DYNC2H1: variants seen among roughly 807,000 people sequenced by gnomAD.
The protein encoded by DYNC2H1 is cytoplasmic dynein 2 heavy chain 1.
Under a neutral mutation model 570.0 loss-of-function variants are expected in DYNC2H1, and 410 were observed. That is an observed-to-expected ratio of 0.72 (90% CI 0.66 to 0.78). The LOEUF (loss-of-function observed/expected upper bound fraction) is 0.78, where lower values mean the gene tolerates loss of function less well. Among genes scored for constraint, DYNC2H1 ranks in the 30% least tolerant of loss-of-function variants. The pLI, the probability that DYNC2H1 is intolerant of heterozygous loss-of-function variation, is 0.00. For missense variants in DYNC2H1, 4,865 were observed against 5,046.4 expected, an observed-to-expected ratio of 0.96 and a Z score of 1.09; for synonymous variants, 1,688 against 1,677.6, an observed-to-expected ratio of 1.01 and a Z score of -0.15.
At chr11:103,154,997 T>G (rs1860748135) in intron 24 of DYNC2H1, among the ~76,000 whole-genome samples, 188 bp downstream of exon 24, 1 of 152,052 alleles carries the variant, frequency 6.6e-6, no homozygotes, top group Admixed American at 6.6e-5. Flanking sequence ...AGAAAGAAGT[T>G]ATAAGAAATT....
chr11:103,422,164 G>C lies in DYNC2H1; in HGVS notation c.12367-13779G>C, dbSNP rs143422254. Among the ~76,000 whole-genome samples, 758 of 152,174 alleles carry C rather than the reference G, an allele frequency of 5.0e-3. 3 individuals carry two copies. The highest frequency in any genetic ancestry group is 0.017 in the African/African-American group (725 of 41,524). ...CAGGAAGAAATTGAATCCCTGAATA[G>C]ACCAATAATGAATTCTGAAATTGAG... On this transcript the variant is annotated intron_variant, in intron 84 of 88. Transcript: ENST00000375735.
At chr11:103,416,605 C>T (rs1943292526) in intron 84 of DYNC2H1, among the ~76,000 whole-genome samples, 1 of 152,152 alleles carries the variant, frequency 6.6e-6, no homozygotes. Flanking sequence ...ACTGGCTAGC[C>T]ATATACAGAA....
intron 83 of DYNC2H1, among the ~76,000 whole-genome samples, chr11:103,360,215 A>G (rs1940573314): frequency 6.6e-6 from 1 of 152,150 alleles, no homozygotes; most frequent in Non-Finnish European, 1.5e-5. Flanking sequence ...CTAAAATAAA[A>G]TTATGATTTT....
At chr11:103,478,852 G>T (rs1945651362) in intron 88 of DYNC2H1, among the ~76,000 whole-genome samples, 2 of 151,880 alleles carry the variant, frequency 1.3e-5, no homozygotes. Flanking sequence ...ATATTTATAG[G>T]TGAAATTTTG....
At chr11:103,304,861 T>A in intron 77 of DYNC2H1, 141 bp downstream of exon 77, 1 of 982,366 alleles carries the variant, frequency 1.0e-6, no homozygotes, top group Non-Finnish European at 1.3e-6. Context: ...AAATATTTCA[T>A]AAATATGTAC....
rs1945429021 is a variant in DYNC2H1 at position 103,472,794 on chromosome 11, T to TAC, written c.12765+4090_12765+4091insCA. Among the ~76,000 whole-genome samples the TAC allele has an allele frequency of 6.6e-6, 1 of 152,256 alleles. No homozygotes were observed. Among genetic ancestry groups the TAC allele is most frequent in the East Asian group, 1.9e-4 (1 of 5,188 alleles). On this transcript the variant is annotated intron_variant, in intron 88 of 88. Transcript: ENST00000375735. This position sits in a 1 kb window ranked among gnomAD's most constrained non-coding sequence, Gnocchi z 4.1. ...ATTATGTATTATTATATGATAATAA[T>TAC]AAAATTCAGAACTTTGGTAACTAAA...
chr11:103,376,178 A>G (rs963267745), intron 83 of DYNC2H1, among the ~76,000 whole-genome samples: 1 of 152,280 alleles, frequency 6.6e-6, no homozygotes, highest in Admixed American at 6.5e-5. Flanking sequence ...CCATGATTGT[A>G]AATTTCCTGA....
intron 17 of DYNC2H1, among the ~76,000 whole-genome samples, chr11:103,138,832 C>T (rs1256109720): frequency 6.6e-6 from 1 of 152,062 alleles, no homozygotes; most frequent in Non-Finnish European, 1.5e-5. Flanking sequence ...GGCTGTGACT[C>T]CATCTGGTCC....
Position 103,304,698 on chromosome 11 carries a change from C to T in DYNC2H1, c.11360C>T (p.Ser3787Phe). Residue 3787 changes from serine to phenylalanine, a missense_variant, in exon 77 of 89, where the codon TCT becomes TTT. Ser to Phe is a radical substitution (Grantham distance 155). Transcript: ENST00000375735. ...LCLKNLHLVV[S>F]WLPVLEKELN... ...TTGAAGAACTTACATCTTGTGGTATCTTGGCTGCCAGTTCTGGAAAAGGTA... is the reference window on the plus strand; with the variant it reads ...TTGAAGAACTTACATCTTGTGGTATTTTGGCTGCCAGTTCTGGAAAAGGTA... 6.2e-7 allele frequency: 1 copy of T among 1,612,482 alleles called. No individual in the cohort carries two copies. Among genetic ancestry groups the T allele is most frequent in the South Asian group, 1.1e-5 (1 of 90,862 alleles).
Position 103,133,468 on chromosome 11 carries a change from G to A in DYNC2H1, c.1954-87G>A. The A allele has an allele frequency of 7.8e-7, 1 of 1,277,030 alleles. No homozygotes were observed. Among genetic ancestry groups the A allele is most frequent in the Non-Finnish European group, 1.1e-6 (1 of 924,684 alleles). 79.1% of individuals were successfully genotyped at this position (1,277,030 alleles called of 1,614,324 possible). The stretch of plus-strand genomic sequence containing the variant: ...TTTCTTTGTTGCAGGTCAGAGTTGG[G>A]GATAGTTGAACTTTTGATATAGAAT... On this transcript the variant is annotated intron_variant, in intron 13 of 88. Coordinates refer to ENST00000375735, the MANE Select transcript of DYNC2H1 (RefSeq NM_001377.3). The surrounding 1 kb of genome is among the most constrained non-coding windows in gnomAD (Gnocchi z 4.8).
intron 35 of DYNC2H1, 91 bp from the exon 36 acceptor site, chr11:103,173,964 T>G: frequency 1.2e-6 from 1 of 819,010 alleles, no homozygotes; most frequent in Non-Finnish European, 1.9e-6. Flanking sequence ...TTTCTATGTG[T>G]CAGTGTTATA....
At chr11:103,432,907 G>A (rs603400) in intron 84 of DYNC2H1, among the ~76,000 whole-genome samples, 84,313 of 151,846 alleles carry the variant, frequency 0.56, 24,008 homozygotes, top group East Asian at 0.72. Flanking sequence ...AATTTCCTGC[G>A]ACTCTTTTTA....
chr11:103,380,747 A>G (rs1941609833), intron 83 of DYNC2H1, among the ~76,000 whole-genome samples: 1 of 152,130 alleles, frequency 6.6e-6, no homozygotes, highest in African/African-American at 2.4e-5. Flanking sequence ...TTTTTGGTAG[A>G]GATGGGGTTT....
chr11:103,199,154 A>G lies in DYNC2H1; in HGVS notation c.7840-74A>G, dbSNP rs1232848574. The G allele has an allele frequency of 9.5e-7, 1 of 1,057,722 alleles. No individual in the cohort carries two copies. Among genetic ancestry groups the G allele is most frequent in the Admixed American group, 3.0e-5 (1 of 32,876 alleles). The allele number at this position is 1,057,722 out of a possible 1,614,324, so 65.5% of individuals were successfully genotyped here. On this transcript the variant is annotated intron_variant, in intron 48 of 88. Coordinates refer to ENST00000375735, the MANE Select transcript of DYNC2H1 (RefSeq NM_001377.3). The surrounding 1 kb of genome is among the most constrained non-coding windows in gnomAD (Gnocchi z 4.6). ...AATGTATCAAAAATATAATATTTTA[A>G]CCTAGGTAAGTAACATTTTTATTAT...
intron 82 of DYNC2H1, among the ~76,000 whole-genome samples, chr11:103,345,519 T>G (rs1269571434): frequency 6.6e-6 from 1 of 152,252 alleles, no homozygotes; most frequent in African/African-American, 2.4e-5. Flanking sequence ...GTCTGGTGGG[T>G]TAAAGTGGTA....
Position 103,241,423 on chromosome 11 carries a change from G to A in DYNC2H1, c.9820-2270G>A. The A allele has an allele frequency of 8.2e-6, 8 of 975,590 alleles. No individual in the cohort carries two copies. The highest frequency in any genetic ancestry group is 1.2e-5 in the Non-Finnish European group (8 of 640,278). 60.4% of individuals were successfully genotyped at this position (975,590 alleles called of 1,614,324 possible). ...AAATCTGTCTGGAGACGTAAAATAA[G>A]ATGACAACAAACTTTTAAGTACCCT... On this transcript the variant is annotated intron_variant, in intron 63 of 88. Coordinates refer to ENST00000375735, the MANE Select transcript of DYNC2H1 (RefSeq NM_001377.3). This position sits in a 1 kb window ranked among gnomAD's most constrained non-coding sequence, Gnocchi z 5.1.
At chr11:103,213,626 TTA>T (rs1863248652) in intron 54 of DYNC2H1, among the ~76,000 whole-genome samples, 1 of 35,114 alleles carries the variant, frequency 2.8e-5, no homozygotes, top group African/African-American at 5.3e-5. Flanking sequence ...TGTGTGTCTT[TTA>T]AAAAAAAAAA....
intron 85 of DYNC2H1, among the ~76,000 whole-genome samples, chr11:103,441,460 AG>A (rs1275805246): frequency 1.3e-5 from 2 of 151,204 alleles, no homozygotes; most frequent in African/African-American, 4.9e-5. Context: ...TATTTTTAAA[AG>A]TTTCTATGTA....
At chr11:103,118,208 C>G (rs1332145269) in intron 6 of DYNC2H1, among the ~76,000 whole-genome samples, 2 of 152,004 alleles carry the variant, frequency 1.3e-5, no homozygotes, top group Non-Finnish European at 2.9e-5. Context: ...ATATTTGAAA[C>G]AATTGCTTAA....
Sources: allele counts gnomAD v4.1 joint callset (sites outside exome capture counted in the v4.1 genomes callset), GRCh38; gene constraint gnomAD v4.1.1; non-coding constraint Gnocchi (gnomAD v3.1); transcripts MANE v1.5; gene names NCBI Gene and HGNC (gene_info 2026-07-23, HGNC 2026-07-21).